RERG: variants seen among roughly 807,000 people sequenced by gnomAD.
RERG encodes ras-related and estrogen-regulated growth inhibitor.
Under a neutral mutation model 23.2 loss-of-function variants are expected in RERG, and 25 were observed. The ratio of observed to expected loss-of-function variants is 1.08; its 90% CI spans 0.79 to 1.50. The LOEUF (loss-of-function observed/expected upper bound fraction) is 1.50, where lower values mean the gene tolerates loss of function less well. Ranked by LOEUF, RERG falls within the 40% of genes most tolerant of loss-of-function variation. The pLI, the probability that RERG is intolerant of heterozygous loss-of-function variation, is 0.00. For missense variants in RERG, 253 were observed against 250.1 expected (o/e 1.01, Z -0.08); for synonymous variants, 81 against 89.1 (o/e 0.91, Z 0.51).
chr12:15,188,003 A>G (rs903384242), intron 2 of RERG, among the ~76,000 whole-genome samples: 2 of 152,196 alleles, frequency 1.3e-5, no homozygotes, highest in South Asian at 2.1e-4. Flanking sequence ...GGAGTAAATT[A>G]TAGAGAACAC....
At chr12:15,181,351 T>C (rs1191867672) in intron 2 of RERG, among the ~76,000 whole-genome samples, 1 of 152,238 alleles carries the variant, frequency 6.6e-6, no homozygotes, top group Non-Finnish European at 1.5e-5. Flanking sequence ...ATTCAGAAAC[T>C]GGCATGAAAT....
chr12:15,110,472 T>C (rs1393461576), intron 4 of RERG, among the ~76,000 whole-genome samples: 137 of 76,454 alleles, frequency 1.8e-3, no homozygotes, highest in African/African-American at 5.9e-3. Context: ...TCTTTTTTTT[T>C]TTTTTTTTTT....
At chr12:15,169,527 T>C (rs1006464711) in intron 2 of RERG, among the ~76,000 whole-genome samples, 99 of 152,282 alleles carry the variant, frequency 6.5e-4, no homozygotes, top group African/African-American at 2.4e-3. Flanking sequence ...CAGACTGGAA[T>C]CTACACCATC....
intron 2 of RERG, among the ~76,000 whole-genome samples, chr12:15,162,190 C>T (rs140374936): frequency 2.2e-3 from 340 of 152,236 alleles, no homozygotes; most frequent in Middle Eastern, 0.014. Context: ...GTTTGAGGGC[C>T]GAAGGACCTA....
intron 2 of RERG, among the ~76,000 whole-genome samples, chr12:15,198,855 G>T (rs1253292690): frequency 6.6e-6 from 1 of 152,156 alleles, no homozygotes; most frequent in Non-Finnish European, 1.5e-5. Flanking sequence ...CTCAGCCTGG[G>T]AAGGTTCTTC....
intron 2 of RERG, among the ~76,000 whole-genome samples, chr12:15,164,455 C>T (rs141838182): frequency 6.6e-6 from 1 of 152,250 alleles, no homozygotes; most frequent in African/African-American, 2.4e-5. Flanking sequence ...AGGCTTGCAC[C>T]CCCAACTTTG....
chr12:15,130,918 CT>C (rs970537398), intron 2 of RERG, among the ~76,000 whole-genome samples: 15 of 149,116 alleles, frequency 1.0e-4, no homozygotes, highest in Admixed American at 2.7e-4. Context: ...GGAAAATTGA[CT>C]TTTTTTTTTA....
chr12:15,212,659 GAGA>G (rs901857627), intron 2 of RERG, among the ~76,000 whole-genome samples: 4 of 152,074 alleles, frequency 2.6e-5, no homozygotes, highest in Admixed American at 1.3e-4. Context: ...TACTTAAATA[GAGA>G]AGAAGTTCTA....
intron 2 of RERG, among the ~76,000 whole-genome samples, chr12:15,161,438 G>A (rs948150035): frequency 7.9e-5 from 12 of 152,250 alleles, no homozygotes; most frequent in Admixed American, 1.3e-4. Context: ...CTTGTACAGT[G>A]CACAGACCTG....
chr12:15,135,533 A>G (rs978816167), intron 2 of RERG, among the ~76,000 whole-genome samples: 2 of 152,188 alleles, frequency 1.3e-5, no homozygotes, highest in African/African-American at 2.4e-5. Context: ...AAGGTTAGCT[A>G]TAAGTTTCTT....
Position 15,187,725 on chromosome 12 carries a change from T to C in RERG, c.61+29704A>G, listed in dbSNP as rs534772176. 4.6e-5 allele frequency among the ~76,000 whole-genome samples: 7 copies of C among 151,928 alleles called. No homozygotes were observed. The East Asian group carries it at 1.4e-3, about 29-fold the overall frequency. ...AGGCACCCGCCACCACACCCAGCTA[T>C]TTTTTGTACTTTAAGTAGAGACAGG... On this transcript the variant is annotated intron_variant, in intron 2 of 4. Coordinates refer to ENST00000256953, the MANE Select transcript of RERG (RefSeq NM_032918.3).
intron 2 of RERG, among the ~76,000 whole-genome samples, chr12:15,169,721 T>C (rs1864749875): frequency 6.6e-6 from 1 of 152,220 alleles, no homozygotes; most frequent in African/African-American, 2.4e-5. Flanking sequence ...AAGGATTCCC[T>C]CTCAGATATG....
chr12:15,147,319 T>C (rs10846150), intron 2 of RERG, among the ~76,000 whole-genome samples: 92,838 of 152,044 alleles, frequency 0.61, 29,100 homozygotes, highest in Admixed American at 0.73. Context: ...GTTGTAAAAT[T>C]TGCTTTCAGC....
intron 1 of RERG, among the ~76,000 whole-genome samples, chr12:15,218,703 AAGGATCCTAGCATCTAGT>A (rs2136152453): frequency 1.3e-5 from 2 of 151,878 alleles, no homozygotes; most frequent in South Asian, 4.2e-4. Context: ...AGAACCGTTC[AAGGATCCTAGCATCTAGT>A]AGGACCCTTT....
chr12:15,204,549 G>C (rs1029901556), intron 2 of RERG, among the ~76,000 whole-genome samples: 1 of 151,806 alleles, frequency 6.6e-6, no homozygotes, highest in South Asian at 2.1e-4. Flanking sequence ...CATGTGAATT[G>C]CTATGAAGAT....
intron 2 of RERG, among the ~76,000 whole-genome samples, chr12:15,183,600 G>A (rs1864954235): frequency 6.6e-6 from 1 of 152,072 alleles, no homozygotes; most frequent in South Asian, 2.1e-4. Context: ...CTCAAGTTAT[G>A]TAAAGTTTTA....
intron 2 of RERG, among the ~76,000 whole-genome samples, chr12:15,149,760 C>G (rs1309191196): frequency 6.6e-6 from 1 of 152,098 alleles, no homozygotes; most frequent in Non-Finnish European, 1.5e-5. Flanking sequence ...GCCAACATGC[C>G]AATTCACATG....
At chr12:15,150,843 G>A (rs1169400285) in intron 2 of RERG, among the ~76,000 whole-genome samples, 2 of 152,146 alleles carry the variant, frequency 1.3e-5, no homozygotes, top group African/African-American at 2.4e-5. Flanking sequence ...ATTGAGTGTG[G>A]GCTGAACTGC....
intron 2 of RERG, among the ~76,000 whole-genome samples, chr12:15,162,770 A>T (rs1317350792): frequency 1.3e-5 from 2 of 152,218 alleles, no homozygotes; most frequent in East Asian, 3.8e-4. Context: ...GACCTAGTCC[A>T]ATTCCCTTAT....
Sources: allele counts gnomAD v4.1 joint callset (sites outside exome capture counted in the v4.1 genomes callset), GRCh38; gene constraint gnomAD v4.1.1; transcripts MANE v1.5; gene names NCBI Gene and HGNC (gene_info 2026-07-23, HGNC 2026-07-21).